PTBP3: variants seen among roughly 807,000 people sequenced by gnomAD.
The protein encoded by PTBP3 is polypyrimidine tract-binding protein 3.
Under a neutral mutation model 58.7 loss-of-function variants are expected in PTBP3, and 20 were observed. The ratio of observed to expected loss-of-function variants is 0.34; its 90% CI spans 0.24 to 0.50. The LOEUF (loss-of-function observed/expected upper bound fraction) is 0.50, where lower values mean the gene tolerates loss of function less well. Among genes scored for constraint, PTBP3 ranks in the 20% least tolerant of loss-of-function variants. The probability of loss-of-function intolerance (pLI) is 0.98; values close to 1 mark genes in which losing one functional copy is unlikely to be tolerated. For missense variants in PTBP3, 509 were observed against 637.2 expected, an observed-to-expected ratio of 0.80 and a Z score of 2.17; for synonymous variants, 185 against 219.8, an observed-to-expected ratio of 0.84 and a Z score of 1.40.
At chr9:112,320,807 CAACAAATGGTGCCG>C (rs1168050037) in intron 1 of PTBP3, among the ~76,000 whole-genome samples, 1 of 152,116 alleles carries the variant, frequency 6.6e-6, no homozygotes, top group Admixed American at 6.5e-5. Context: ...AAAATCTTTT[CAACAAATGGTGCCG>C]AACTACCTGG....
chr9:112,228,379 C>T lies in PTBP3; in HGVS notation c.1147+1G>A. ...TATTAATAATTATTAATCATTAGTA[C>T]CTAGCTGAGCTTGATTTGCATCCGC... On this transcript the variant is annotated splice_donor_variant, in intron 11 of 13. Transcript: ENST00000374257. LOFTEE classifies it high-confidence loss of function. The T allele has an allele frequency of 1.3e-6, 2 of 1,589,366 alleles. No homozygotes were observed. Among genetic ancestry groups the T allele is most frequent in the Non-Finnish European group, 1.7e-6 (2 of 1,169,826 alleles).
At chr9:112,355,553 T>G in the PTBP3 span, among the ~76,000 whole-genome samples, 1 of 152,214 alleles carries the variant, frequency 6.6e-6, no homozygotes, top group Non-Finnish European at 1.5e-5. Flanking sequence ...CGTCTTCTTT[T>G]GTTTCCATTA....
chr9:112,258,003 C>A (rs868501687), intron 5 of PTBP3, among the ~76,000 whole-genome samples: 1 of 150,930 alleles, frequency 6.6e-6, no homozygotes, highest in Admixed American at 6.6e-5. Flanking sequence ...ATCAAGCACA[C>A]TGGCCACAAC....
chr9:112,351,274 G>A, the PTBP3 span, among the ~76,000 whole-genome samples: 5 of 152,136 alleles, frequency 3.3e-5, no homozygotes, highest in African/African-American at 7.2e-5. Context: ...GTTTTAAGGC[G>A]TACTGCTCAA....
In PTBP3 at chr9:112,231,989, GAGA is replaced by G. The variant is rs1441085361; in HGVS notation, c.1020+107_1020+109del. Reference sequence around the variant, plus strand: ...GAAGAGAGAAGAGAAGAGAAGAGAAGAGAAGAGAAGAGAAGAGAAGAGAAGAGA... The same window carrying G: ...GAAGAGAGAAGAGAAGAGAAGAGAAGAGAGAAGAGAAGAGAAGAGAAGAGA... On this transcript the variant is annotated intron_variant, in intron 9 of 13. Transcript: ENST00000374257. 2.4e-5 allele frequency: 12 copies of G among 504,352 alleles called. No homozygotes were observed. In the African/African-American group the frequency reaches 3.1e-4, roughly 13 times the overall value. 31.2% of individuals were successfully genotyped at this position (504,352 alleles called of 1,614,324 possible). A position where few individuals can be genotyped will look rare whatever the true frequency, so the allele number is the denominator to read the frequency against.
intron 1 of PTBP3, among the ~76,000 whole-genome samples, chr9:112,323,835 T>C (rs1488905368): frequency 1.3e-5 from 2 of 151,210 alleles, no homozygotes; most frequent in Non-Finnish European, 2.9e-5. Context: ...AGAGAGAGAG[T>C]ACAGGGCAGA....
the PTBP3 span, among the ~76,000 whole-genome samples, chr9:112,376,482 G>C: frequency 6.6e-6 from 1 of 151,844 alleles, no homozygotes; most frequent in African/African-American, 2.4e-5. Context: ...TCCATCTCTT[G>C]ACCTTGTGAT....
the PTBP3 span, among the ~76,000 whole-genome samples, chr9:112,371,509 C>T: frequency 6.6e-6 from 1 of 152,148 alleles, no homozygotes; most frequent in African/African-American, 2.4e-5. Context: ...AAAATTATTA[C>T]CTTGGAGAAT....
the PTBP3 span, among the ~76,000 whole-genome samples, chr9:112,342,826 G>C: frequency 6.9e-6 from 1 of 144,878 alleles, no homozygotes; most frequent in Non-Finnish European, 1.5e-5. Context: ...CCTATTGAGA[G>C]GATCAAGGAC....
chr9:112,375,927 C>T, the PTBP3 span, among the ~76,000 whole-genome samples: 4 of 152,110 alleles, frequency 2.6e-5, no homozygotes, highest in South Asian at 8.3e-4. Context: ...CAGGGTCTTG[C>T]TCCAAAATCC....
chr9:112,315,085 C>G (rs1472211101), intron 1 of PTBP3, among the ~76,000 whole-genome samples: 1 of 152,040 alleles, frequency 6.6e-6, no homozygotes, highest in African/African-American at 2.4e-5. Flanking sequence ...CCCACCTTGG[C>G]CTCCCAAAGT....
rs114079548 is a variant in PTBP3, at chr9:112,280,644, T to A, written c.35-4631A>T. Among the ~76,000 whole-genome samples, 778 of 152,268 alleles carry A rather than the reference T, an allele frequency of 5.1e-3. 4 individuals are homozygous for A. The highest frequency in any genetic ancestry group is 0.017 in the African/African-American group (710 of 41,534). On this transcript the variant is annotated intron_variant, in intron 2 of 13. Transcript: ENST00000374257. ...CTCCAGATCTCTTAAGGTGAGCAGATTTTACCTTGTATTCTGTCACACTGA... is the reference window on the plus strand; with the variant it reads ...CTCCAGATCTCTTAAGGTGAGCAGAATTTACCTTGTATTCTGTCACACTGA...
chr9:112,311,601 G>A (rs1198025119), intron 1 of PTBP3, among the ~76,000 whole-genome samples: 1 of 152,090 alleles, frequency 6.6e-6, no homozygotes, highest in Non-Finnish European at 1.5e-5. Context: ...TGGAGAACTT[G>A]AGTATGCATG....
chr9:112,267,357 C>T (rs1165312351), intron 4 of PTBP3, among the ~76,000 whole-genome samples: 2 of 151,944 alleles, frequency 1.3e-5, no homozygotes, highest in Admixed American at 6.6e-5. Context: ...TTAGTACAGA[C>T]GGGGTTTCAC....
At chr9:112,224,381 C>A (rs190587074) in intron 12 of PTBP3, among the ~76,000 whole-genome samples, 171 bp from the exon 13 acceptor site, 168 of 152,312 alleles carry the variant, frequency 1.1e-3, no homozygotes, top group African/African-American at 4.0e-3. Flanking sequence ...TGACATGTAT[C>A]GTCAAGCAAT....
chr9:112,342,652 G>A, the PTBP3 span, among the ~76,000 whole-genome samples: 1 of 152,056 alleles, frequency 6.6e-6, no homozygotes, highest in African/African-American at 2.4e-5. Flanking sequence ...GGAGGCAGAG[G>A]TTGCAGTGAG....
At chr9:112,272,833 AC>A (rs759276028) in intron 3 of PTBP3, 7 of 152,234 alleles carry the variant, frequency 4.6e-5, no homozygotes, top group Non-Finnish European at 8.8e-5. Flanking sequence ...AAGACCAGGC[AC>A]AAGAGCATTT....
intron 3 of PTBP3, among the ~76,000 whole-genome samples, chr9:112,268,934 G>C (rs183786884): frequency 6.0e-4 from 92 of 152,164 alleles, no homozygotes; most frequent in African/African-American, 2.2e-3. Context: ...AGTGGCTCAG[G>C]CCTGTAATCC....
the PTBP3 span, among the ~76,000 whole-genome samples, chr9:112,358,635 T>A: frequency 6.6e-6 from 1 of 152,096 alleles, no homozygotes; most frequent in African/African-American, 2.4e-5. Context: ...TAAAGACAAA[T>A]TTTAAAACCA....
Sources: allele counts gnomAD v4.1 joint callset (sites outside exome capture counted in the v4.1 genomes callset), GRCh38; gene constraint gnomAD v4.1.1; transcripts MANE v1.5; gene names NCBI Gene and HGNC (gene_info 2026-07-23, HGNC 2026-07-21).